The following FAR1 variants were observed in gnomAD, a reference collection of about 807,000 sequenced individuals.
The protein encoded by FAR1 is male sterility domain-containing protein 2.
A neutral mutation model predicts 61.1 loss-of-function variants in FAR1; 22 were observed. That is an observed-to-expected ratio of 0.36 (90% CI 0.26 to 0.51). The LOEUF (loss-of-function observed/expected upper bound fraction) is 0.51, where lower values mean the gene tolerates loss of function less well. Among genes scored for constraint, FAR1 ranks in the 20% least tolerant of loss-of-function variants. FAR1 has a pLI of 0.95. For missense variants in FAR1, 359 were observed against 626.9 expected, an observed-to-expected ratio of 0.57 and a Z score of 4.56; for synonymous variants, 206 against 209.7, an observed-to-expected ratio of 0.98 and a Z score of 0.15.
rs112236678 is a variant in FAR1, at chr11:13,680,869, G to A, written c.-8+12063G>A. ...ATAGCAGTCTTAATCAAAACATTAA[G>A]TGATGATTGCAGTTACCAAAATATA... On this transcript the variant is annotated intron_variant, in intron 1 of 11. Transcript: ENST00000354817. Among the ~76,000 whole-genome samples the A allele has an allele frequency of 2.5e-3, 383 of 152,310 alleles. 4 individuals carry two copies. Among genetic ancestry groups the A allele is most frequent in the African/African-American group, 8.5e-3 (355 of 41,562 alleles).
chr11:13,681,286 G>C (rs1848123801), intron 1 of FAR1, among the ~76,000 whole-genome samples: 1 of 152,188 alleles, frequency 6.6e-6, no homozygotes, highest in Non-Finnish European at 1.5e-5. Flanking sequence ...CCGTAGTCCT[G>C]TGAAATAGGT....
At chr11:13,718,122 T>G (rs2134196697) in intron 9 of FAR1, among the ~76,000 whole-genome samples, 1 of 152,306 alleles carries the variant, frequency 6.6e-6, no homozygotes, top group African/African-American at 2.4e-5. Context: ...CAATAAGAGT[T>G]TCTGTTACAC....
At chr11:13,705,422 A>G (rs1358850197) in intron 3 of FAR1, among the ~76,000 whole-genome samples, 1 of 152,066 alleles carries the variant, frequency 6.6e-6, no homozygotes, top group Non-Finnish European at 1.5e-5. Flanking sequence ...GGAAAAAGGC[A>G]AGGCATAGAA....
Position 13,728,906 on chromosome 11 carries a change from G to A in FAR1, c.*132G>A. The A allele has an allele frequency of 7.5e-6, 6 of 796,526 alleles. No individual in the cohort carries two copies. Among genetic ancestry groups the A allele is most frequent in the Non-Finnish European group, 1.2e-5 (6 of 509,946 alleles). 49.3% of individuals were successfully genotyped at this position (796,526 alleles called of 1,614,324 possible). ...AGATCGGAGTGTGAAGTAAATTATG[G>A]TATATTTTATGTAACATTTTAATGT... On this transcript the variant is annotated 3_prime_UTR_variant, in exon 12 of 12. Coordinates refer to ENST00000354817, the MANE Select transcript of FAR1 (RefSeq NM_032228.6).
rs1424607761 is a variant in FAR1 at position 13,730,592 on chromosome 11, T to C, written c.*1818T>C. ...CATCTCTCCAAATGTATTTCCATAA[T>C]GTGTTGAAAACATGCTAACATTTGT... On this transcript the variant is annotated 3_prime_UTR_variant, in exon 12 of 12. Transcript: ENST00000354817. 6.6e-6 allele frequency: 1 copy of C among 152,104 alleles called. No individual in the cohort carries two copies. Among genetic ancestry groups the C allele is most frequent in the Non-Finnish European group, 1.5e-5 (1 of 67,972 alleles). 9.4% of individuals were successfully genotyped at this position (152,104 alleles called of 1,614,324 possible).
At chr11:13,672,360 G>A (rs1848015023) in intron 1 of FAR1, among the ~76,000 whole-genome samples, 1 of 150,548 alleles carries the variant, frequency 6.6e-6, no homozygotes. Flanking sequence ...GAGCAGCCTG[G>A]GCAACATGGC....
intron 3 of FAR1, among the ~76,000 whole-genome samples, chr11:13,706,498 TTTA>T (rs200816923): frequency 0.032 from 4,816 of 152,062 alleles, 105 homozygotes; most frequent in Non-Finnish European, 0.046. Context: ...TTTGTTTGTT[TTTA>T]TTTTTTTAAT....
chr11:13,678,516 G>A (rs1464097830), intron 1 of FAR1, among the ~76,000 whole-genome samples: 3 of 152,058 alleles, frequency 2.0e-5, no homozygotes, highest in Admixed American at 6.5e-5. Context: ...CACCCGCCTC[G>A]GCCTCCCAAA....
At chr11:13,712,304 AT>A (rs1848508384) in intron 7 of FAR1, among the ~76,000 whole-genome samples, 1 of 151,596 alleles carries the variant, frequency 6.6e-6, no homozygotes, top group African/African-American at 2.4e-5. Flanking sequence ...AAAAAAAAAA[AT>A]ACCCTCCCCT....
At chr11:13,685,497 C>T (rs921461572) in intron 1 of FAR1, 3 of 216,454 alleles carry the variant, frequency 1.4e-5, no homozygotes, top group Non-Finnish European at 3.0e-5. Context: ...ATGTGCAATT[C>T]TTTATAGACC....
chr11:13,706,306 A>G (rs966194055), intron 3 of FAR1, among the ~76,000 whole-genome samples: 1 of 152,094 alleles, frequency 6.6e-6, no homozygotes, highest in Admixed American at 6.6e-5. Flanking sequence ...AATGAGGATT[A>G]GAACAAGTTT....
chr11:13,698,133 G>T (rs1315837765), intron 2 of FAR1, among the ~76,000 whole-genome samples: 3 of 152,136 alleles, frequency 2.0e-5, no homozygotes, highest in African/African-American at 7.2e-5. Flanking sequence ...GTCTTCTGGG[G>T]TGTCATGCAG....
intron 4 of FAR1, among the ~76,000 whole-genome samples, chr11:13,708,451 A>G (rs529674327): frequency 0.033 from 3,837 of 117,106 alleles, 95 homozygotes; most frequent in African/African-American, 0.078. Flanking sequence ...GCGCGCGCAC[A>G]CACACACACA....
rs142714278 is a variant in FAR1, at chr11:13,707,603, A to G, written c.366-297A>G. On this transcript the variant is annotated intron_variant, in intron 3 of 11. Coordinates refer to ENST00000354817, the MANE Select transcript of FAR1 (RefSeq NM_032228.6). ...TAAGTCTAGCATGACTTAAAAATGT[A>G]TGCATAAAAGCTAAAGACTGAAATT... 1.1e-4 allele frequency among the ~76,000 whole-genome samples: 17 copies of G among 152,322 alleles called. 1 individual carries two copies. The Middle Eastern group carries it at 0.01, about 91-fold the overall frequency.
Position 13,730,981 on chromosome 11 carries a change from G to A in FAR1, c.*2207G>A, listed in dbSNP as rs1848719127. The stretch of plus-strand genomic sequence containing the variant: ...CTTAAAGATTTGAGAAATTATTTGT[G>A]TCATTTACTAGACGTGATTTTTAGT... On this transcript the variant is annotated 3_prime_UTR_variant, in exon 12 of 12. Coordinates refer to ENST00000354817, the MANE Select transcript of FAR1 (RefSeq NM_032228.6). 6.6e-6 allele frequency: 1 copy of A among 152,104 alleles called. No homozygotes were observed. Among genetic ancestry groups the A allele is most frequent in the Non-Finnish European group, 1.5e-5 (1 of 67,962 alleles). The allele number at this position is 152,104 out of a possible 1,614,324, so 9.4% of individuals were successfully genotyped here. A position where few individuals can be genotyped will look rare whatever the true frequency, so the allele number is the denominator to read the frequency against.
rs761298150 is a variant in FAR1, at chr11:13,728,801, C to A, written c.*27C>A. On this transcript the variant is annotated 3_prime_UTR_variant, in exon 12 of 12. Coordinates refer to ENST00000354817, the MANE Select transcript of FAR1 (RefSeq NM_032228.6). ...GACCAAGGATTCAGCATTAGAACAT[C>A]TATACATATGGTGATCTAAATGTAC... The A allele has an allele frequency of 4.4e-6, 7 of 1,596,530 alleles. No individual in the cohort carries two copies. In the Admixed American group the frequency reaches 8.4e-5, roughly 19 times the overall value.
At chr11:13,671,501 A>G (rs1848003995) in intron 1 of FAR1, among the ~76,000 whole-genome samples, 1 of 152,192 alleles carries the variant, frequency 6.6e-6, no homozygotes, top group African/African-American at 2.4e-5. Context: ...TTTGATAGTT[A>G]TAGGAGAATG....
At chr11:13,699,208 A>G (rs1187500972) in intron 2 of FAR1, among the ~76,000 whole-genome samples, 1 of 152,160 alleles carries the variant, frequency 6.6e-6, no homozygotes, top group African/African-American at 2.4e-5. Flanking sequence ...TCTCCTATGC[A>G]GGCCCGTAAC....
chr11:13,705,519 T>C (rs982623266), intron 3 of FAR1, among the ~76,000 whole-genome samples: 4 of 152,224 alleles, frequency 2.6e-5, no homozygotes, highest in Non-Finnish European at 5.9e-5. Context: ...ATCCTTTGTG[T>C]ACTTTTCCCA....
Sources: gnomAD v4.1 joint callset for allele counts (sites outside exome capture counted in the v4.1 genomes callset) on GRCh38, gnomAD v4.1.1 for gene constraint, MANE v1.5 for transcripts, NCBI Gene and HGNC (gene_info 2026-07-23, HGNC 2026-07-21) for gene names.